ARK2N: variants seen among roughly 807,000 people sequenced by gnomAD.
ARK2N encodes arkadia (RNF111) N-terminal like PKA signaling regulator 2N, also known as protein ARK2N.
At chr18:46,175,188 G>T in the ARK2N span, among the ~76,000 whole-genome samples, 8 of 130,192 alleles carry the variant, frequency 6.1e-5, no homozygotes, top group African/African-American at 2.3e-4. Context: ...AGAGAACATC[G>T]GTACGAGCCC....
the ARK2N span, among the ~76,000 whole-genome samples, chr18:46,191,474 G>A: frequency 5.5e-3 from 834 of 151,798 alleles, 7 homozygotes; most frequent in African/African-American, 0.019. Flanking sequence ...GAGCCACCAC[G>A]CCTGGCCTGA....
chr18:46,216,311 G>A, the ARK2N span: 17 of 1,613,858 alleles, frequency 1.1e-5, no homozygotes, highest in African/African-American at 2.7e-5. This position sits in a 1 kb window ranked among gnomAD's most constrained non-coding sequence, Gnocchi z 4.3. Flanking sequence ...AGGCGGTCCC[G>A]ATCTGAAAGT....
the ARK2N span, among the ~76,000 whole-genome samples, chr18:46,250,030 C>T: frequency 6.7e-6 from 1 of 148,910 alleles, no homozygotes; most frequent in Non-Finnish European, 1.5e-5. Flanking sequence ...TATTTATGTT[C>T]ATCAATACTT....
chr18:46,246,941 CAAAAAAAA>C, the ARK2N span, among the ~76,000 whole-genome samples: 3 of 84,416 alleles, frequency 3.6e-5, no homozygotes, highest in Non-Finnish European at 5.3e-5. Flanking sequence ...AACTCCATTT[CAAAAAAAA>C]AAAAAAAAAT....
At chr18:46,243,208 G>A in the ARK2N span, among the ~76,000 whole-genome samples, 2 of 152,140 alleles carry the variant, frequency 1.3e-5, no homozygotes, top group South Asian at 2.1e-4. Context: ...TGCTTACAGT[G>A]TCTCAATAAA....
At chr18:46,223,353 G>A in the ARK2N span, among the ~76,000 whole-genome samples, 2 of 152,162 alleles carry the variant, frequency 1.3e-5, no homozygotes, top group Admixed American at 6.5e-5. Flanking sequence ...GTAATCAGAG[G>A]AAAAGGAACA....
At chr18:46,266,122 C>A in the ARK2N span, 1 of 152,132 alleles carries the variant, frequency 6.6e-6, no homozygotes, top group African/African-American at 2.4e-5. Flanking sequence ...TCAAACATCC[C>A]ATAAACTTTG....
the ARK2N span, among the ~76,000 whole-genome samples, chr18:46,260,119 C>T: frequency 6.6e-6 from 1 of 152,190 alleles, no homozygotes; most frequent in African/African-American, 2.4e-5. Context: ...ACATTCCTGA[C>T]AGATGCCTCA....
chr18:46,248,448 C>A, the ARK2N span, among the ~76,000 whole-genome samples: 1 of 152,226 alleles, frequency 6.6e-6, no homozygotes, highest in South Asian at 2.1e-4. Context: ...ATCCCAGGTG[C>A]TTATATTTTG....
chr18:46,241,807 G>GTTAT, the ARK2N span, among the ~76,000 whole-genome samples: 392 of 152,004 alleles, frequency 2.6e-3, 3 homozygotes, highest in East Asian at 6.6e-3. Context: ...GTGTTTCTAA[G>GTTAT]TTATTTATTT....
the ARK2N span, among the ~76,000 whole-genome samples, chr18:46,189,766 A>G: frequency 6.6e-6 from 1 of 152,190 alleles, no homozygotes; most frequent in Non-Finnish European, 1.5e-5. Flanking sequence ...TGGGACACCA[A>G]GGTGGGCGGA....
the ARK2N span, among the ~76,000 whole-genome samples, chr18:46,243,698 G>A: frequency 6.6e-6 from 1 of 152,162 alleles, no homozygotes; most frequent in Admixed American, 6.5e-5. Flanking sequence ...GAACACTGTA[G>A]TGGGTGATTT....
chr18:46,245,078 C>T, the ARK2N span, among the ~76,000 whole-genome samples: 2 of 151,952 alleles, frequency 1.3e-5, no homozygotes, highest in African/African-American at 2.4e-5. Context: ...TACAGGTACC[C>T]GTCACCACGC....
chr18:46,204,467 T>G, the ARK2N span, among the ~76,000 whole-genome samples: 2 of 152,334 alleles, frequency 1.3e-5, no homozygotes, highest in African/African-American at 2.4e-5. Context: ...AAAGTTGCCT[T>G]TCTTTTTTGG....
the ARK2N span, among the ~76,000 whole-genome samples, chr18:46,205,463 C>T: frequency 1.3e-5 from 2 of 152,096 alleles, no homozygotes; most frequent in African/African-American, 2.4e-5. Context: ...ATCAAAAAAG[C>T]GCATTTCGAG....
chr18:46,186,379 A>G, the ARK2N span, among the ~76,000 whole-genome samples: 2 of 151,416 alleles, frequency 1.3e-5, no homozygotes, highest in Non-Finnish European at 2.9e-5. Context: ...TATTTTTAGT[A>G]GAGATTGGGT....
the ARK2N span, among the ~76,000 whole-genome samples, chr18:46,223,113 G>A: frequency 7.9e-5 from 12 of 152,232 alleles, no homozygotes; most frequent in Admixed American, 5.9e-4. Context: ...TGAGAAATAA[G>A]TAATGCGAGA....
chr18:46,257,411 C>G, the ARK2N span, among the ~76,000 whole-genome samples: 1 of 152,088 alleles, frequency 6.6e-6, no homozygotes, highest in African/African-American at 2.4e-5. Flanking sequence ...ATTCATTTCT[C>G]TTTTGTGTAT....
At chr18:46,263,888 A>G in the ARK2N span, 1 of 152,684 alleles carries the variant, frequency 6.5e-6, no homozygotes, top group Non-Finnish European at 1.5e-5. Flanking sequence ...TTAAGAGTTC[A>G]GTGGGAAAAA....
Sources: gnomAD v4.1 joint callset for allele counts (sites outside exome capture counted in the v4.1 genomes callset) on GRCh38, gnomAD v4.1.1 for gene constraint, Gnocchi (gnomAD v3.1) non-coding constraint, MANE v1.5 for transcripts, NCBI Gene and HGNC (gene_info 2026-07-23, HGNC 2026-07-21) for gene names.